The following GATAD2B variants were observed in gnomAD, a reference collection of about 807,000 sequenced individuals.
GATAD2B encodes transcriptional repressor p66-beta.
A neutral mutation model predicts 64.3 loss-of-function variants in GATAD2B; 8 were observed. The ratio of observed to expected loss-of-function variants is 0.12; its 90% confidence interval spans 0.07 to 0.22. GATAD2B has a LOEUF of 0.22. Among genes scored for constraint, GATAD2B ranks in the 10% least tolerant of loss-of-function variants. GATAD2B has a pLI of 1.00. For synonymous variants in GATAD2B, 281 were observed against 271.3 expected, an observed-to-expected ratio of 1.04 and a Z score of -0.35; for missense variants, 453 against 752.0, an observed-to-expected ratio of 0.60 and a Z score of 4.65.
At chr1:153,885,593 C>T (rs1341569653) in intron 1 of GATAD2B, among the ~76,000 whole-genome samples, 2 of 151,712 alleles carry the variant, frequency 1.3e-5, no homozygotes, top group African/African-American at 2.4e-5. Context: ...GTGGGCTGGG[C>T]GCGGTGGCTC....
intron 1 of GATAD2B, among the ~76,000 whole-genome samples, chr1:153,854,695 T>C (rs190865484): frequency 1.3e-5 from 2 of 152,356 alleles, no homozygotes; most frequent in East Asian, 1.9e-4. Context: ...ATACTGCCAT[T>C]ATAAAATATG....
intron 1 of GATAD2B, among the ~76,000 whole-genome samples, chr1:153,858,892 C>A (rs962898619): frequency 6.6e-6 from 1 of 151,962 alleles, no homozygotes; most frequent in Non-Finnish European, 1.5e-5. Context: ...CAGGAAAGTC[C>A]TGTCAGAAAA....
chr1:153,830,912 G>A (rs1354296455), intron 1 of GATAD2B, among the ~76,000 whole-genome samples: 1 of 152,128 alleles, frequency 6.6e-6, no homozygotes, highest in Non-Finnish European at 1.5e-5. Flanking sequence ...TGAGTAGCTA[G>A]AGACGCGTGC....
intron 2 of GATAD2B, among the ~76,000 whole-genome samples, chr1:153,822,704 G>T (rs1674725774): frequency 2.0e-5 from 3 of 152,086 alleles, no homozygotes; most frequent in Admixed American, 2.0e-4. Flanking sequence ...TCACTATGTT[G>T]GCCAGACTGG....
At position 153,900,908 on chromosome 1, in the gene GATAD2B, A is replaced by G. The variant is rs1178357228; in HGVS notation, c.-2+21825T>C. Among the ~76,000 whole-genome samples, 5 of 152,266 alleles carry G rather than the reference A, an allele frequency of 3.3e-5. No individual in the cohort carries two copies. The South Asian group carries it at 8.3e-4, about 25-fold the overall frequency. Reference sequence around the variant, plus strand: ...CAAAATAATCTCTTGATTTTTTTTCAATCATTTAAAAATCATAAAAACTGG... The same window carrying G: ...CAAAATAATCTCTTGATTTTTTTTCGATCATTTAAAAATCATAAAAACTGG... On this transcript the variant is annotated intron_variant, in intron 1 of 10. Transcript: ENST00000368655.
At position 153,818,179 on chromosome 1, in the gene GATAD2B, A is replaced by T; in HGVS notation, c.598-8T>A. ...ATTCTGTACAACTGGAGTCTGGGAG[A>T]GGGAAGAGAAAATAAGACTGTGGCC... On this transcript the variant is annotated splice_region_variant and splice_polypyrimidine_tract_variant and intron_variant, in intron 4 of 10. Coordinates refer to ENST00000368655, the MANE Select transcript of GATAD2B (RefSeq NM_020699.4). The T allele has an allele frequency of 6.3e-7, 1 of 1,588,320 alleles. No homozygotes were observed. The highest frequency in any genetic ancestry group is 8.6e-7 in the Non-Finnish European group (1 of 1,168,362).
At chr1:153,867,225 A>G (rs1453802658) in intron 1 of GATAD2B, among the ~76,000 whole-genome samples, 1 of 152,188 alleles carries the variant, frequency 6.6e-6, no homozygotes, top group African/African-American at 2.4e-5. Context: ...ATAACATAGA[A>G]CCAAAAGAAA....
In GATAD2B at chr1:153,828,338, T is replaced by C; in HGVS notation, c.10A>G (p.Met4Val). ...TTCAAGCGAAGAGCATCTTCTGTCA[T>C]TCTATCCATCCTATGGAAAGAAAAA... MDR[M>V]TEDALRLNLL... The change falls in exon 2 of 11, where the codon ATG (methionine) becomes GTG (valine). Residue 4 changes from methionine (M) to valine (V), a missense_variant. By Grantham distance (21) the Met-to-Val change is conservative. Transcript: ENST00000368655. 6.2e-7 allele frequency: 1 copy of C among 1,608,636 alleles called. No homozygotes were observed. Among genetic ancestry groups the C allele is most frequent in the East Asian group, 2.2e-5 (1 of 44,886 alleles).
chr1:153,861,048 GA>G (rs1676262596), intron 1 of GATAD2B, among the ~76,000 whole-genome samples: 1 of 152,154 alleles, frequency 6.6e-6, no homozygotes. Context: ...CTAAAAAGAG[GA>G]GCTAGGCAGA....
intron 1 of GATAD2B, among the ~76,000 whole-genome samples, chr1:153,899,400 T>C (rs1677698010): frequency 4.6e-5 from 7 of 151,826 alleles, no homozygotes. Flanking sequence ...GAAACCCCAT[T>C]TCTACTAAAA....
At chr1:153,841,722 T>C (rs751382258) in intron 1 of GATAD2B, among the ~76,000 whole-genome samples, 11 of 152,210 alleles carry the variant, frequency 7.2e-5, no homozygotes, top group Non-Finnish European at 1.3e-4. Context: ...TTTTCCGTTT[T>C]TGGCTATTAG....
At chr1:153,843,100 C>T (rs940025288) in intron 1 of GATAD2B, among the ~76,000 whole-genome samples, 4 of 151,562 alleles carry the variant, frequency 2.6e-5, no homozygotes, top group South Asian at 2.1e-4. Flanking sequence ...TATAGGCTCA[C>T]GCTGCCATGC....
chr1:153,845,641 CG>C (rs1675657601), intron 1 of GATAD2B, among the ~76,000 whole-genome samples: 1 of 76,018 alleles, frequency 1.3e-5, no homozygotes, highest in South Asian at 4.1e-4. Context: ...GCTACTTTGG[CG>C]GGGGGCTGCA....
At chr1:153,813,181 A>G (rs903153212) in intron 8 of GATAD2B, 69 bp downstream of exon 8, 1 of 1,236,008 alleles carries the variant, frequency 8.1e-7, no homozygotes. Flanking sequence ...ACTCCTGCAA[A>G]CTAGAAGGCG....
intron 1 of GATAD2B, among the ~76,000 whole-genome samples, chr1:153,847,455 G>T (rs575399906): frequency 1.3e-5 from 2 of 152,114 alleles, no homozygotes; most frequent in East Asian, 3.9e-4. Context: ...TAAAATCATA[G>T]CTTACTGCAG....
intron 1 of GATAD2B, among the ~76,000 whole-genome samples, chr1:153,860,872 G>C (rs1321171002): frequency 6.6e-6 from 1 of 152,032 alleles, no homozygotes; most frequent in Non-Finnish European, 1.5e-5. Context: ...GGCTGCTCTT[G>C]AACTCCTGAC....
intron 1 of GATAD2B, among the ~76,000 whole-genome samples, chr1:153,900,199 C>T (rs953353876): frequency 4.6e-5 from 7 of 151,896 alleles, no homozygotes; most frequent in Non-Finnish European, 8.8e-5. Flanking sequence ...AGGCGGATCA[C>T]GAGGTCAGGA....
At chr1:153,869,578 C>T (rs1486841414) in intron 1 of GATAD2B, among the ~76,000 whole-genome samples, 3 of 152,008 alleles carry the variant, frequency 2.0e-5, no homozygotes, top group East Asian at 1.9e-4. Flanking sequence ...TTCTGGTATC[C>T]ACACGATGTT....
chr1:153,910,394 C>A (rs1046181460), intron 1 of GATAD2B, among the ~76,000 whole-genome samples: 4 of 152,172 alleles, frequency 2.6e-5, no homozygotes, highest in African/African-American at 9.7e-5. Flanking sequence ...CTGGTTTACA[C>A]CTTTGGTATA....
Sources: gnomAD v4.1 joint callset for allele counts (sites outside exome capture counted in the v4.1 genomes callset) on GRCh38, gnomAD v4.1.1 for gene constraint, MANE v1.5 for transcripts, NCBI Gene and HGNC (gene_info 2026-07-23, HGNC 2026-07-21) for gene names.